The following SLC35G1 variants were observed in gnomAD, a reference collection of about 807,000 sequenced individuals.
SLC35G1 encodes solute carrier family 35 member G1.
A neutral mutation model predicts 17.1 loss-of-function variants in SLC35G1; 10 were observed. The ratio of observed to expected loss-of-function variants is 0.59; its 90% CI spans 0.36 to 0.99. The LOEUF is 0.99. Ranked by LOEUF, SLC35G1 falls within the 50% of genes least tolerant of loss-of-function variation. The probability of loss-of-function intolerance (pLI) is 0.01; values close to 1 mark genes in which losing one functional copy is unlikely to be tolerated. For synonymous variants in SLC35G1, 185 were observed against 181.1 expected (o/e 1.02, Z -0.18); for missense variants, 433 against 468.4 (o/e 0.92, Z 0.70).
At chr10:93,904,855 C>T (rs564318127), downstream of SLC35G1, among the ~76,000 whole-genome samples, 21 of 152,334 alleles carry the variant, frequency 1.4e-4, no homozygotes, top group Admixed American at 6.5e-4. Flanking sequence ...TATTCACTCT[C>T]CTCTTCAAAA....
downstream of SLC35G1, chr10:93,906,300 G>A (rs1333052373): frequency 6.6e-6 from 1 of 152,226 alleles, no homozygotes; most frequent in Non-Finnish European, 1.5e-5. Flanking sequence ...CCCACATGAA[G>A]AGGCCCATGT....
chr10:93,901,247 G>A lies in SLC35G1; in HGVS notation c.855G>A (p.Arg285=). 6.2e-7 allele frequency: 1 copy of A among 1,613,884 alleles called. No homozygotes were observed. The highest frequency in any genetic ancestry group is 8.5e-7 in the Non-Finnish European group (1 of 1,179,876). Residue 285 remains arginine, a synonymous_variant, in exon 3 of 3, where the codon AGG becomes AGA. Transcript: ENST00000427197. The part of the protein sequence containing the change: ...EWSLPYCGLD[R]LFLIFIGLFG... The stretch of plus-strand genomic sequence containing the variant: ...GTCTGCCTTACTGTGGGTTGGACAG[G>A]CTATTTCTCATATTCATTGGGCTCT...
At chr10:93,896,477 C>T (rs977476038) in intron 1 of SLC35G1, among the ~76,000 whole-genome samples, 5 of 152,182 alleles carry the variant, frequency 3.3e-5, no homozygotes, top group African/African-American at 1.2e-4. Flanking sequence ...GATATGCTTG[C>T]AGTGAGATAT....
chr10:93,898,576 A>G lies in SLC35G1; in HGVS notation c.184A>G (p.Lys62Glu). 1 of 1,599,348 alleles carries G rather than the reference A, an allele frequency of 6.3e-7. No individual in the cohort carries two copies. Among genetic ancestry groups the G allele is most frequent in the Non-Finnish European group, 8.5e-7 (1 of 1,176,184 alleles). The change falls in exon 2 of 3, where the codon AAG becomes GAG. Residue 62 changes from lysine to glutamate, a missense_variant. Lys to Glu is a moderately conservative substitution (Grantham distance 56). Transcript: ENST00000427197. Reference sequence around the variant, plus strand: ...CAGAATTTAATCTTTTTCAGAAGCCAAGAAGAAAGCACCCTGTCCTGGACT... The same window carrying G: ...CAGAATTTAATCTTTTTCAGAAGCCGAGAAGAAAGCACCCTGTCCTGGACT... ...PCCSRTEPEA[K>E]KKAPCPGLGL...
At position 93,900,950 on chromosome 10, in the gene SLC35G1, T is replaced by C; in HGVS notation, c.558T>C (p.Asp186=). ...TCAAGGAAAAATATAGCCCTTGGGA[T>C]GCTCTTTTCACCGTGTTCACAATCA... The part of the protein sequence containing the change: ...ICLKEKYSPW[D]ALFTVFTITG... Residue 186 remains aspartate, a synonymous_variant, in exon 3 of 3, where the codon GAT becomes GAC. Transcript: ENST00000427197. 6.2e-7 allele frequency: 1 copy of C among 1,614,118 alleles called. No individual in the cohort carries two copies. Among genetic ancestry groups the C allele is most frequent in the Non-Finnish European group, 8.5e-7 (1 of 1,179,994 alleles).
chr10:93,904,680 G>C (rs2060417234), downstream of SLC35G1, among the ~76,000 whole-genome samples: 1 of 152,222 alleles, frequency 6.6e-6, no homozygotes, highest in African/African-American at 2.4e-5. Context: ...AAGGTCTAGT[G>C]TGGTTTTATC....
intron 1 of SLC35G1, among the ~76,000 whole-genome samples, chr10:93,897,917 A>G (rs997224229): frequency 6.6e-6 from 1 of 152,258 alleles, no homozygotes; most frequent in African/African-American, 2.4e-5. Flanking sequence ...TTTGATTAAC[A>G]GTTCAAAATA....
At chr10:93,896,940 T>C (rs2060335792) in intron 1 of SLC35G1, among the ~76,000 whole-genome samples, 1 of 152,178 alleles carries the variant, frequency 6.6e-6, no homozygotes, top group South Asian at 2.1e-4. Context: ...TAAGAAAAAC[T>C]GTTTTATTTG....
At chr10:93,904,435 T>G (rs557449330), downstream of SLC35G1, among the ~76,000 whole-genome samples, 1 of 152,336 alleles carries the variant, frequency 6.6e-6, no homozygotes, top group South Asian at 2.1e-4. Flanking sequence ...TCCGACCTGA[T>G]TTCTACATCC....
chr10:93,894,308 C>A, intron 1 of SLC35G1, 97 bp downstream of exon 1: 1 of 1,163,396 alleles, frequency 8.6e-7, no homozygotes, highest in South Asian at 2.4e-5. Flanking sequence ...CAGTGCCCGC[C>A]GCGCCTCCGT....
At chr10:93,908,126 G>A (rs1450880746), downstream of SLC35G1, 1 of 152,180 alleles carries the variant, frequency 6.6e-6, no homozygotes, top group Non-Finnish European at 1.5e-5. Flanking sequence ...TATCCTCCAA[G>A]ATCCTAGAAA....
At chr10:93,898,923 A>G (rs755163278) in intron 2 of SLC35G1, among the ~76,000 whole-genome samples, 172 bp downstream of exon 2, 6 of 152,234 alleles carry the variant, frequency 3.9e-5, no homozygotes, top group African/African-American at 7.2e-5. Flanking sequence ...AGATTCTACC[A>G]TGAGCATAAA....
intron 2 of SLC35G1, among the ~76,000 whole-genome samples, chr10:93,899,894 C>A (rs1347424056): frequency 6.6e-6 from 1 of 152,132 alleles, no homozygotes; most frequent in Non-Finnish European, 1.5e-5. Context: ...TCTGTTTTGA[C>A]CCATTTTATG....
chr10:93,894,925 T>C (rs1051082068), intron 1 of SLC35G1, among the ~76,000 whole-genome samples: 1 of 152,148 alleles, frequency 6.6e-6, no homozygotes, highest in African/African-American at 2.4e-5. Flanking sequence ...CTCCAAGATG[T>C]GGAACGTGGG....
intron 2 of SLC35G1, among the ~76,000 whole-genome samples, chr10:93,899,120 G>GT (rs1216380033): frequency 1.3e-5 from 2 of 152,140 alleles, no homozygotes; most frequent in Non-Finnish European, 2.9e-5. Flanking sequence ...AGTATCAGAA[G>GT]TTTTTTTAGA....
chr10:93,898,017 T>C (rs2060347271), intron 1 of SLC35G1, among the ~76,000 whole-genome samples: 1 of 152,240 alleles, frequency 6.6e-6, no homozygotes, highest in Non-Finnish European at 1.5e-5. Context: ...TTTCATTCAC[T>C]GAATATTTAT....
intron 1 of SLC35G1, among the ~76,000 whole-genome samples, chr10:93,896,571 A>T (rs919711539): frequency 3.3e-5 from 5 of 152,182 alleles, no homozygotes; most frequent in Non-Finnish European, 5.9e-5. Context: ...ATTTAGTAAG[A>T]AACTGAGGTT....
At position 93,900,009 on chromosome 10, in the gene SLC35G1, A is replaced by T. The variant is rs372432836; in HGVS notation, c.360-743A>T. On this transcript the variant is annotated intron_variant, in intron 2 of 2. Transcript: ENST00000427197. ...CCGGGGTAGCCTAGATGATAATCTA[A>T]TGAAGTCTAGCCCTGGCACACGTCA... Among the ~76,000 whole-genome samples, 43 of 152,300 alleles carry T rather than the reference A, an allele frequency of 2.8e-4. 2 individuals carry two copies. The South Asian group carries it at 8.7e-3, about 31-fold the overall frequency.
At chr10:93,894,239 G>T in intron 1 of SLC35G1, 28 bp downstream of exon 1, 1 of 1,322,346 alleles carries the variant, frequency 7.6e-7, no homozygotes, top group South Asian at 2.0e-5. Context: ...ATCGGGCTCT[G>T]GTCTCGCTCG....
Sources: allele counts gnomAD v4.1 joint callset (sites outside exome capture counted in the v4.1 genomes callset), GRCh38; gene constraint gnomAD v4.1.1; transcripts MANE v1.5; gene names NCBI Gene and HGNC (gene_info 2026-07-23, HGNC 2026-07-21).